Variants in CACNA1G observed in about 807,000 individuals in gnomAD.
CACNA1G encodes the protein calcium voltage-gated channel subunit alpha1 G.
CACNA1G carries 67 observed loss-of-function variants against 219.4 expected under a neutral mutation model. The observed-to-expected ratio is 0.31, with a 90% CI of 0.25 to 0.37. The LOEUF is 0.37. CACNA1G is among the 10% of genes least tolerant of loss of function. CACNA1G has a pLI of 1.00. For missense variants in CACNA1G, 2,380 were observed against 3,231.4 expected (o/e 0.74, Z 6.39); for synonymous variants, 1,296 against 1,345.3 (o/e 0.96, Z 0.80).
chr17:50,627,138 A>T lies in CACNA1G; in HGVS notation c.*387A>T, dbSNP rs1407996100. 9 of 460,458 alleles carry T rather than the reference A, an allele frequency of 2.0e-5. No homozygotes were observed. Among genetic ancestry groups the T allele is most frequent in the Non-Finnish European group, 3.9e-5 (9 of 231,216 alleles). The allele number at this position is 460,458 out of a possible 1,614,324, so 28.5% of individuals were successfully genotyped here. A position where few individuals can be genotyped will look rare whatever the true frequency, so the allele number is the denominator to read the frequency against. Reference sequence around the variant, plus strand: ...TTCCTTCTACTTTTATGTGTCTCAGAATATTTTTGAGGCGAAGGCGTCTGT... The same window carrying T: ...TTCCTTCTACTTTTATGTGTCTCAGTATATTTTTGAGGCGAAGGCGTCTGT... On this transcript the variant is annotated 3_prime_UTR_variant, in exon 38 of 38. Coordinates refer to ENST00000359106, the MANE Select transcript of CACNA1G (RefSeq NM_018896.5).
In CACNA1G at chr17:50,626,846, C is replaced by A; in HGVS notation, c.*95C>A. The A allele has an allele frequency of 1.3e-6, 2 of 1,526,566 alleles. No individual in the cohort carries two copies. Among genetic ancestry groups the A allele is most frequent in the African/African-American group, 1.4e-5 (1 of 73,300 alleles). 94.6% of individuals were successfully genotyped at this position (1,526,566 alleles called of 1,614,324 possible). ...ATTCCTGACAAAAGTTCCATATAGACACCAAGGAGGCGGAGGCGCTCCTCC... is the reference window on the plus strand; with the variant it reads ...ATTCCTGACAAAAGTTCCATATAGAAACCAAGGAGGCGGAGGCGCTCCTCC... On this transcript the variant is annotated 3_prime_UTR_variant, in exon 38 of 38. Coordinates refer to ENST00000359106, the MANE Select transcript of CACNA1G (RefSeq NM_018896.5). This position sits in a 1 kb window ranked among gnomAD's most constrained non-coding sequence, Gnocchi z 4.3.
At position 50,578,189 on chromosome 17, in the gene CACNA1G, T is replaced by C. The variant is rs374695920; in HGVS notation, c.1926T>C (p.Gly642=). Residue 642 remains glycine, a splice_region_variant and synonymous_variant, in exon 9 of 38, where the codon GGT becomes GGC. Transcript: ENST00000359106. The surrounding 1 kb of genome is among the most constrained non-coding windows in gnomAD (Gnocchi z 4.5). Reference sequence around the variant, plus strand: ...CTCACCTCTACTCTCCTGTTCCAGGTGCCTGCCAAAGCTCTTGCAAGATCT... The same window carrying C: ...CTCACCTCTACTCTCCTGTTCCAGGCGCCTGCCAAAGCTCTTGCAAGATCT... ...MHKLLETQST[G]ACQSSCKISS... is the part of the protein sequence containing the mutation. 15 of 1,565,450 alleles carry C rather than the reference T, an allele frequency of 9.6e-6. 1 individual carries two copies. In the East Asian group the frequency reaches 1.4e-4, roughly 14 times the overall value.
At chr17:50,605,620 C>T (rs897312888) in intron 22 of CACNA1G, among the ~76,000 whole-genome samples, 7 of 152,342 alleles carry the variant, frequency 4.6e-5, no homozygotes, top group South Asian at 4.1e-4. Context: ...ACTTGGCACA[C>T]GCCTGGCCTA....
chr17:50,620,882 A>C (rs560416069), intron 34 of CACNA1G, among the ~76,000 whole-genome samples: 1 of 152,212 alleles, frequency 6.6e-6, no homozygotes. Flanking sequence ...GTGGGAGAAG[A>C]GGACACGATG....
chr17:50,601,300 C>A, intron 19 of CACNA1G, 126 bp downstream of exon 19: 1 of 1,197,222 alleles, frequency 8.4e-7, no homozygotes, highest in Admixed American at 2.3e-5. Context: ...GGGGCCAGGA[C>A]TCTCCTTTAG....
chr17:50,561,934 CT>C, intron 1 of CACNA1G: 1 of 199,088 alleles, frequency 5.0e-6, no homozygotes. Flanking sequence ...ACACCTCAGT[CT>C]TCCTGGGTTG....
intron 22 of CACNA1G, among the ~76,000 whole-genome samples, chr17:50,604,594 CCCCTCCCTTCCTTCCCGGCTCGAGCA>C (rs2047542226): frequency 1.3e-5 from 2 of 152,254 alleles, no homozygotes; most frequent in Non-Finnish European, 2.9e-5. Flanking sequence ...ACTCCGGGAT[CCCCTCCCTTCCTTCCCGGCTCGAGCA>C]CAGTGGGCTG....
chr17:50,619,449 C>A (rs750219469), intron 33 of CACNA1G, among the ~76,000 whole-genome samples: 3 of 152,044 alleles, frequency 2.0e-5, no homozygotes, highest in Non-Finnish European at 2.9e-5. Context: ...TGCTCATTTT[C>A]CATCTCCCAT....
At chr17:50,569,121 C>G (rs2038775891) in intron 2 of CACNA1G, 44 bp from the exon 3 acceptor site, 9 of 1,603,316 alleles carry the variant, frequency 5.6e-6, no homozygotes, top group Non-Finnish European at 7.7e-6. Context: ...AGGGTATTCC[C>G]TCACCCACGT....
At chr17:50,574,769 A>G (rs1163659174) in intron 7 of CACNA1G, among the ~76,000 whole-genome samples, 10 of 152,188 alleles carry the variant, frequency 6.6e-5, no homozygotes, top group Admixed American at 6.5e-4. Context: ...GTCACCATAA[A>G]TATTCATTTC....
intron 25 of CACNA1G, 68 bp from the exon 26 acceptor site, chr17:50,609,814 G>A (rs1265989313): frequency 1.7e-5 from 24 of 1,447,908 alleles, no homozygotes; most frequent in African/African-American, 9.7e-5. Context: ...AGGGGAAGCC[G>A]CCCCTGAGGG....
chr17:50,604,835 G>T (rs547620878), intron 22 of CACNA1G, among the ~76,000 whole-genome samples: 1 of 152,182 alleles, frequency 6.6e-6, no homozygotes, highest in Non-Finnish European at 1.5e-5. Context: ...GGGGGCCGGG[G>T]AGCCCCTCCA....
rs1375103945 is a variant in CACNA1G, at chr17:50,578,815, C to T, written c.2301+251C>T. ...GTATGTTCTACCCAGGAAGGCTGCTCAGAGGAGGCTGGCTTTGAAGGATGT... is the reference window on the plus strand; with the variant it reads ...GTATGTTCTACCCAGGAAGGCTGCTTAGAGGAGGCTGGCTTTGAAGGATGT... On this transcript the variant is annotated intron_variant, in intron 9 of 37. Transcript: ENST00000359106. This position sits in a 1 kb window ranked among gnomAD's most constrained non-coding sequence, Gnocchi z 4.5. 2.0e-5 allele frequency among the ~76,000 whole-genome samples: 3 copies of T among 152,150 alleles called. No homozygotes were observed. Among genetic ancestry groups the T allele is most frequent in the Non-Finnish European group, 4.4e-5 (3 of 68,032 alleles).
chr17:50,612,801 G>A (rs890566791), intron 26 of CACNA1G, among the ~76,000 whole-genome samples: 1 of 152,196 alleles, frequency 6.6e-6, no homozygotes, highest in African/African-American at 2.4e-5. Context: ...TCTGACTCTG[G>A]TATTTTCTCC....
chr17:50,565,639 G>A (rs1020309888), intron 1 of CACNA1G, among the ~76,000 whole-genome samples: 3 of 152,116 alleles, frequency 2.0e-5, no homozygotes, highest in Non-Finnish European at 4.4e-5. Context: ...GGCCGCTGGA[G>A]GGCCTGCTTG....
intron 26 of CACNA1G, among the ~76,000 whole-genome samples, chr17:50,613,848 G>A (rs1338645001): frequency 6.8e-6 from 1 of 146,802 alleles, no homozygotes; most frequent in Non-Finnish European, 1.5e-5. Flanking sequence ...CTCCACCATC[G>A]CGGTGTGGAT....
Position 50,590,580 on chromosome 17 carries a change from A to G in CACNA1G, c.2411A>G (p.Lys804Arg), listed in dbSNP as rs868548794. ...LLVYGPFGYI[K>R]NPYNIFDGVI... ...GTGTATGGTCCCTTTGGCTACATCA[A>G]GAATCCCTACAACATCTTCGATGGT... Residue 804 changes from lysine (K) to arginine (R), a missense_variant, in exon 10 of 38, where the codon AAG becomes AGG. By Grantham distance (26) the Lys-to-Arg change is conservative. Transcript: ENST00000359106. The G allele has an allele frequency of 6.2e-7, 1 of 1,613,846 alleles. No individual in the cohort carries two copies. The highest frequency in any genetic ancestry group is 1.3e-5 in the African/African-American group (1 of 74,922).
intron 7 of CACNA1G, among the ~76,000 whole-genome samples, chr17:50,574,733 C>A (rs1390373815): frequency 6.6e-6 from 1 of 151,992 alleles, no homozygotes; most frequent in Non-Finnish European, 1.5e-5. Context: ...TACTAGGACA[C>A]GATCTAGAAA....
At chr17:50,619,086 C>T (rs1000463277) in intron 33 of CACNA1G, 78 bp downstream of exon 33, 15 of 1,159,040 alleles carry the variant, frequency 1.3e-5, no homozygotes, top group East Asian at 1.0e-4. Context: ...GGGAGCCAAG[C>T]GGGCAGCACA....
Sources: allele counts gnomAD v4.1 joint callset (sites outside exome capture counted in the v4.1 genomes callset), GRCh38; gene constraint gnomAD v4.1.1; non-coding constraint Gnocchi (gnomAD v3.1); transcripts MANE v1.5; gene names NCBI Gene and HGNC (gene_info 2026-07-23, HGNC 2026-07-21).